RSF1: variants seen among roughly 807,000 people sequenced by gnomAD.
RSF1 encodes the protein remodeling and spacing factor 1.
RSF1 carries 13 observed loss-of-function variants against 145.2 expected under a neutral mutation model. That is an observed-to-expected ratio of 0.09 (90% CI 0.06 to 0.14). RSF1 has a LOEUF of 0.14. Ranked by LOEUF, RSF1 falls within the 10% of genes least tolerant of loss-of-function variation. The probability of loss-of-function intolerance (pLI) is 1.00; values close to 1 mark genes in which losing one functional copy is unlikely to be tolerated. For missense variants in RSF1, 1,517 were observed against 1,718.2 expected, an observed-to-expected ratio of 0.88 and a Z score of 2.07; for synonymous variants, 577 against 592.6, an observed-to-expected ratio of 0.97 and a Z score of 0.38.
At chr11:77,676,364 A>G (rs1026953472) in intron 13 of RSF1, among the ~76,000 whole-genome samples, 2 of 151,846 alleles carry the variant, frequency 1.3e-5, no homozygotes, top group African/African-American at 4.8e-5. Flanking sequence ...TTCAATTCCA[A>G]CTCTGCAAAG....
intron 3 of RSF1, among the ~76,000 whole-genome samples, chr11:77,742,037 AT>A (rs1452830627): frequency 6.6e-6 from 1 of 152,186 alleles, no homozygotes; most frequent in African/African-American, 2.4e-5. Context: ...TTCATTTTAC[AT>A]TCTTCTGTTG....
At chr11:77,740,678 G>C in intron 4 of RSF1, 53 bp downstream of exon 4, 3 of 1,510,876 alleles carry the variant, frequency 2.0e-6, no homozygotes, top group East Asian at 4.5e-5. Context: ...TTTGAAACGA[G>C]ATCAATGTAC....
chr11:77,667,539 G>C, intron 15 of RSF1, 48 bp from the exon 16 acceptor site: 1 of 1,500,136 alleles, frequency 6.7e-7, no homozygotes, highest in Non-Finnish European at 9.0e-7. Context: ...AACCATAAAC[G>C]AATTTAATTC....
At chr11:77,840,445 C>T in the RSF1 span, among the ~76,000 whole-genome samples, 4 of 152,208 alleles carry the variant, frequency 2.6e-5, no homozygotes, top group African/African-American at 9.6e-5. Flanking sequence ...AGGATAATCA[C>T]TTGAACCCCG....
At chr11:77,769,551 A>G (rs1228592200) in intron 1 of RSF1, among the ~76,000 whole-genome samples, 1 of 152,220 alleles carries the variant, frequency 6.6e-6, no homozygotes, top group Non-Finnish European at 1.5e-5. Flanking sequence ...AGAAACAGTC[A>G]GGGGCTATGT....
intron 2 of RSF1, among the ~76,000 whole-genome samples, chr11:77,758,413 C>T (rs1239365331): frequency 4.6e-5 from 7 of 152,152 alleles, no homozygotes; most frequent in Admixed American, 4.6e-4. Context: ...CTGCAATAAA[C>T]ACTGGCATAC....
the RSF1 span, chr11:77,850,950 TA>T: frequency 7.0e-6 from 1 of 142,132 alleles, no homozygotes; most frequent in African/African-American, 2.7e-5. Context: ...GATACAATAA[TA>T]TCTTTTTTTT....
intron 1 of RSF1, among the ~76,000 whole-genome samples, chr11:77,817,283 T>A (rs1948790798): frequency 6.6e-6 from 1 of 152,256 alleles, no homozygotes; most frequent in South Asian, 2.1e-4. Context: ...TTGTGAAATG[T>A]GTATTACTGT....
At chr11:77,804,597 G>A (rs1416596800) in intron 1 of RSF1, among the ~76,000 whole-genome samples, 1 of 152,196 alleles carries the variant, frequency 6.6e-6, no homozygotes, top group African/African-American at 2.4e-5. Context: ...AGAACTTTGG[G>A]AGGCCAAAGT....
At chr11:77,758,989 G>C (rs574006453) in intron 2 of RSF1, among the ~76,000 whole-genome samples, 3 of 152,222 alleles carry the variant, frequency 2.0e-5, no homozygotes, top group African/African-American at 7.2e-5. Context: ...TTGTTGCTCA[G>C]TCTTCTGGTT....
At chr11:77,758,093 G>A (rs1486049371) in intron 2 of RSF1, among the ~76,000 whole-genome samples, 1 of 150,514 alleles carries the variant, frequency 6.6e-6, no homozygotes, top group East Asian at 1.9e-4. Flanking sequence ...CTGTGACTGC[G>A]CCACTGCACT....
intron 1 of RSF1, among the ~76,000 whole-genome samples, chr11:77,768,342 T>C (rs1033282137): frequency 1.3e-5 from 2 of 152,038 alleles, no homozygotes; most frequent in Non-Finnish European, 2.9e-5. Flanking sequence ...TTTATATTTT[T>C]AGTAAAGACA....
chr11:77,809,054 C>G (rs1948706748), intron 1 of RSF1, among the ~76,000 whole-genome samples: 1 of 152,180 alleles, frequency 6.6e-6, no homozygotes, highest in Non-Finnish European at 1.5e-5. Context: ...GAGTTGGGCT[C>G]TGAAGCCAGA....
rs74541661 is a variant in RSF1, at chr11:77,724,633, T to C, written c.733+912A>G. On this transcript the variant is annotated intron_variant, in intron 5 of 15. Transcript: ENST00000308488. ...GGAAACAGTTTCGTGGAAGACAATT[T>C]TTCTATAGGAGGTGGGCTGGGGGGA... Among the ~76,000 whole-genome samples, 1,053 of 152,222 alleles carry C rather than the reference T, an allele frequency of 6.9e-3. 11 individuals carry two copies. The highest frequency in any genetic ancestry group is 0.012 in the South Asian group (58 of 4,814).
the RSF1 span, chr11:77,842,719 C>A: frequency 3.0e-5 from 46 of 1,532,152 alleles, no homozygotes; most frequent in Non-Finnish European, 3.8e-5. Flanking sequence ...AAAACTATTT[C>A]TCTTGTGTCT....
chr11:77,682,016 T>A (rs907527360), intron 11 of RSF1, among the ~76,000 whole-genome samples: 15 of 152,226 alleles, frequency 9.9e-5, no homozygotes, highest in African/African-American at 3.6e-4. Context: ...TGGTTTTTCC[T>A]GTATAATTTT....
chr11:77,834,520 T>C, the RSF1 span, among the ~76,000 whole-genome samples: 9 of 149,420 alleles, frequency 6.0e-5, no homozygotes, highest in African/African-American at 7.4e-5. Context: ...GTTCAAGTGA[T>C]TCTCCTGCCT....
At chr11:77,804,060 A>G (rs1333501580) in intron 1 of RSF1, among the ~76,000 whole-genome samples, 1 of 152,174 alleles carries the variant, frequency 6.6e-6, no homozygotes, top group East Asian at 1.9e-4. Flanking sequence ...ACAGAGCAAC[A>G]CCCTGCCTGA....
chr11:77,816,043 T>C (rs904855158), intron 1 of RSF1, among the ~76,000 whole-genome samples: 2 of 152,206 alleles, frequency 1.3e-5, no homozygotes, highest in Non-Finnish European at 2.9e-5. Flanking sequence ...CCTCCGTAAC[T>C]TTACTCTATG....
Sources: allele counts gnomAD v4.1 joint callset (sites outside exome capture counted in the v4.1 genomes callset), GRCh38; gene constraint gnomAD v4.1.1; transcripts MANE v1.5; gene names NCBI Gene and HGNC (gene_info 2026-07-23, HGNC 2026-07-21).